The following SPOCK2 variants were observed in gnomAD, a reference collection of about 807,000 sequenced individuals.
SPOCK2 encodes testican-2.
In SPOCK2, 39 loss-of-function variants were observed where a neutral mutation model predicts 60.1. That is an observed-to-expected ratio of 0.65 (90% CI 0.50 to 0.85). The LOEUF is 0.85. Ranked by LOEUF, SPOCK2 falls within the 40% of genes least tolerant of loss-of-function variation. The pLI, the probability that SPOCK2 is intolerant of heterozygous loss-of-function variation, is 0.00. For synonymous variants in SPOCK2, 217 were observed against 231.5 expected (o/e 0.94, Z 0.57); for missense variants, 523 against 567.4 (o/e 0.92, Z 0.80).
chr10:72,061,498 G>A lies in SPOCK2; in HGVS notation c.*1262C>T, dbSNP rs924246918. On this transcript the variant is annotated 3_prime_UTR_variant, in exon 11 of 11. Transcript: ENST00000373109. ...AGGAGGAAGATCATGGTCTCAGAGT[G>A]CGGAAAGGCTGCAGCTTTCGGCAGC... 11 of 153,140 alleles carry A rather than the reference G, an allele frequency of 7.2e-5. No homozygotes were observed. The highest frequency in any genetic ancestry group is 2.6e-4 in the Admixed American group (4 of 15,312). The allele number at this position is 153,140 out of a possible 1,614,324, so 9.5% of individuals were successfully genotyped here.
intron 1 of SPOCK2, among the ~76,000 whole-genome samples, chr10:72,080,656 G>C (rs908729407): frequency 2.4e-4 from 36 of 152,156 alleles, no homozygotes; most frequent in African/African-American, 8.2e-4. Flanking sequence ...TTAAATACTT[G>C]AGCCTCTCTT....
At position 72,066,948 on chromosome 10, in the gene SPOCK2, A is replaced by G; in HGVS notation, c.882T>C (p.Asp294=). ...PFFNSCDTYK[D]GRVSTAEWCF... is the part of the protein sequence containing the mutation. The stretch of plus-strand genomic sequence containing the variant: ...ACCACTCAGCAGTAGAGACCCGGCC[A>G]TCCTTGTAGGTGTCACAGGAGTTGA... The change falls in exon 8 of 11, where the codon GAT becomes GAC. Residue 294 remains aspartate (D), a synonymous_variant. Transcript: ENST00000373109. The G allele has an allele frequency of 3.1e-6, 5 of 1,614,226 alleles. No homozygotes were observed. The highest frequency in any genetic ancestry group is 4.2e-6 in the Non-Finnish European group (5 of 1,180,032).
chr10:72,068,309 T>A lies in SPOCK2; in HGVS notation c.475-8A>T. Reference sequence around the variant, plus strand: ...CTGTTGCTCCAGCTTACACTGCACATGGGGAAAGGTGGAACAGGGGACTGA... The same window carrying A: ...CTGTTGCTCCAGCTTACACTGCACAAGGGGAAAGGTGGAACAGGGGACTGA... On this transcript the variant is annotated splice_region_variant and splice_polypyrimidine_tract_variant and intron_variant, in intron 5 of 10. Transcript: ENST00000373109. 6.2e-7 allele frequency: 1 copy of A among 1,601,458 alleles called. No homozygotes were observed. Among genetic ancestry groups the A allele is most frequent in the Non-Finnish European group, 8.5e-7 (1 of 1,173,118 alleles).
At position 72,062,629 on chromosome 10, in the gene SPOCK2, C is replaced by T. The variant is rs1713346915; in HGVS notation, c.*131G>A. The T allele has an allele frequency of 1.3e-6, 2 of 1,491,046 alleles. No homozygotes were observed. Among genetic ancestry groups the T allele is most frequent in the African/African-American group, 2.8e-5 (2 of 71,354 alleles). The allele number at this position is 1,491,046 out of a possible 1,614,324, so 92.4% of individuals were successfully genotyped here. A position where few individuals can be genotyped will look rare whatever the true frequency, so the allele number is the denominator to read the frequency against. On this transcript the variant is annotated 3_prime_UTR_variant, in exon 11 of 11. Coordinates refer to ENST00000373109, the MANE Select transcript of SPOCK2 (RefSeq NM_001244950.2). The surrounding 1 kb of genome is among the most constrained non-coding windows in gnomAD (Gnocchi z 4.3). ...CTGTGCCACACACATGCCATGCACA[C>T]TCACACTCCCAGTCCCCCCAGGTGG... is the stretch of plus-strand genomic sequence containing the variant.
In SPOCK2 at chr10:72,088,291, A is replaced by C; in HGVS notation, c.38T>G (p.Leu13Arg). Residue 13 changes from leucine (L) to arginine (R), a missense_variant, in exon 1 of 11, where the codon CTG (leucine) becomes CGG (arginine). Coordinates refer to ENST00000373109, the MANE Select transcript of SPOCK2 (RefSeq NM_001244950.2). ...APGCGRLVLP[L>R]LLLAAAALAE... Reference sequence around the variant, plus strand: ...CAGGGCTGCCGCGGCCAGGAGCAGCAGCGGCAGCACCAGCCGCCCGCAGCC... The same window carrying C: ...CAGGGCTGCCGCGGCCAGGAGCAGCCGCGGCAGCACCAGCCGCCCGCAGCC... 6.2e-7 allele frequency: 1 copy of C among 1,600,664 alleles called. No individual in the cohort carries two copies. The highest frequency in any genetic ancestry group is 8.5e-7 in the Non-Finnish European group (1 of 1,174,712).
chr10:72,072,190 C>T lies in SPOCK2; in HGVS notation c.313G>A (p.Gly105Ser), dbSNP rs759303326. The change falls in exon 4 of 11, where the codon GGC (glycine) becomes AGC (serine). Residue 105 changes from glycine (G) to serine (S), a missense_variant. By Grantham distance (56) the Gly-to-Ser change is moderately conservative. Transcript: ENST00000373109. ...CTGATGCACATGGCCCGCTGGTAGCCCTGGGCAATGCACACCTTGTGGCGG... is the reference window on the plus strand; with the variant it reads ...CTGATGCACATGGCCCGCTGGTAGCTCTGGGCAATGCACACCTTGTGGCGG... ...CSRHKVCIAQ[G>S]YQRAMCISRK... The T allele has an allele frequency of 1.3e-6, 2 of 1,558,388 alleles. No individual in the cohort carries two copies. Among genetic ancestry groups the T allele is most frequent in the South Asian group, 1.2e-5 (1 of 83,542 alleles).
Position 72,061,508 on chromosome 10 carries a change from T to A in SPOCK2, c.*1252A>T, listed in dbSNP as rs564515181. On this transcript the variant is annotated 3_prime_UTR_variant, in exon 11 of 11. Transcript: ENST00000373109. ...TCATGGTCTCAGAGTGCGGAAAGGC[T>A]GCAGCTTTCGGCAGCTGCTTCTCTC... The A allele has an allele frequency of 1.3e-5, 2 of 152,986 alleles. No homozygotes were observed. The highest frequency in any genetic ancestry group is 3.9e-4 in the East Asian group (2 of 5,190). The allele number at this position is 152,986 out of a possible 1,614,324, so 9.5% of individuals were successfully genotyped here. A position where few individuals can be genotyped will look rare whatever the true frequency, so the allele number is the denominator to read the frequency against.
At position 72,087,990 on chromosome 10, in the gene SPOCK2, A is replaced by AC. The variant is rs1840885978; in HGVS notation, c.189+149dup. ...GACAGGGGAGGGGCGCTGGGCTGTG[A>AC]CCCCCAGTACTGTTTACTTTCCGTG... On this transcript the variant is annotated intron_variant, in intron 1 of 10. Transcript: ENST00000373109. This position sits in a 1 kb window ranked among gnomAD's most constrained non-coding sequence, Gnocchi z 4.7. 1.0e-6 allele frequency: 1 copy of AC among 967,790 alleles called. No individual in the cohort carries two copies. Among genetic ancestry groups the AC allele is most frequent in the Non-Finnish European group, 1.5e-6 (1 of 677,926 alleles). The allele number at this position is 967,790 out of a possible 1,614,324, so 60.0% of individuals were successfully genotyped here. A position where few individuals can be genotyped will look rare whatever the true frequency, so the allele number is the denominator to read the frequency against.
chr10:72,079,210 G>A (rs1459130343), intron 1 of SPOCK2, among the ~76,000 whole-genome samples: 1 of 152,138 alleles, frequency 6.6e-6, no homozygotes, highest in African/African-American at 2.4e-5. Context: ...TCCAGAATCC[G>A]TGCCCCTAAC....
chr10:72,077,039 C>T (rs571716169), intron 1 of SPOCK2, among the ~76,000 whole-genome samples: 2 of 152,308 alleles, frequency 1.3e-5, no homozygotes, highest in South Asian at 4.1e-4. Flanking sequence ...GCCTGGCCCA[C>T]GGTGTGTCCT....
rs374514718 is a variant in SPOCK2, at chr10:72,067,703, G to A, written c.619C>T (p.Leu207=). Residue 207 remains leucine (L), a synonymous_variant, in exon 7 of 11, where the codon CTG becomes TTG. Transcript: ENST00000373109. ...AACCAGTCCCGCAGCCGATCTCCCA[G>A]GTCAGCCAGGTCCTGACCGGTGCAA... ...ETCTGQDLAD[L]GDRLRDWFQL... is the part of the protein sequence containing the mutation. The A allele has an allele frequency of 4.3e-6, 7 of 1,613,638 alleles. No individual in the cohort carries two copies. The highest frequency in any genetic ancestry group is 5.9e-6 in the Non-Finnish European group (7 of 1,179,962).
chr10:72,075,671 A>C (rs1046811055), intron 1 of SPOCK2, among the ~76,000 whole-genome samples: 1 of 151,988 alleles, frequency 6.6e-6, no homozygotes, highest in Non-Finnish European at 1.5e-5. Context: ...TCCCTTCCTG[A>C]CTCAGCTGGC....
intron 1 of SPOCK2, among the ~76,000 whole-genome samples, chr10:72,078,630 A>C (rs1267054486): frequency 1.3e-5 from 2 of 152,186 alleles, no homozygotes; most frequent in African/African-American, 2.4e-5. Flanking sequence ...AAGAAATTCC[A>C]TCTTCTCTTG....
In SPOCK2 at chr10:72,072,272, G is replaced by C. The variant is rs942311291; in HGVS notation, c.245-14C>G. 3 of 1,510,218 alleles carry C rather than the reference G, an allele frequency of 2.0e-6. No homozygotes were observed. Among genetic ancestry groups the C allele is most frequent in the African/African-American group, 1.4e-5 (1 of 71,536 alleles). 93.6% of individuals were successfully genotyped at this position (1,510,218 alleles called of 1,614,324 possible). ...TGGTATCCAGGGCTGCAGGGGCACAGAGTCAGGACACAGGTCACCTGGGAG... is the reference window on the plus strand; with the variant it reads ...TGGTATCCAGGGCTGCAGGGGCACACAGTCAGGACACAGGTCACCTGGGAG... On this transcript the variant is annotated splice_polypyrimidine_tract_variant and intron_variant, in intron 3 of 10. Coordinates refer to ENST00000373109, the MANE Select transcript of SPOCK2 (RefSeq NM_001244950.2).
At chr10:72,079,546 C>A (rs1200855618) in intron 1 of SPOCK2, among the ~76,000 whole-genome samples, 3 of 152,186 alleles carry the variant, frequency 2.0e-5, no homozygotes, top group African/African-American at 7.2e-5. Flanking sequence ...CTGGGGGAGA[C>A]AGCAGTGAGT....
At position 72,078,754 on chromosome 10, in the gene SPOCK2, T is replaced by A. The variant is rs373882647; in HGVS notation, c.190-5844A>T. 5.3e-5 allele frequency among the ~76,000 whole-genome samples: 8 copies of A among 151,998 alleles called. No individual in the cohort carries two copies. The East Asian group carries it at 1.2e-3, about 22-fold the overall frequency. On this transcript the variant is annotated intron_variant, in intron 1 of 10. Coordinates refer to ENST00000373109, the MANE Select transcript of SPOCK2 (RefSeq NM_001244950.2). ...AAGTTCACATCAGCCCCAGAATTTC[T>A]ACTCATCTCCCAAAACCCAGCTCAG...
Position 72,060,773 on chromosome 10 carries a change from G to T in SPOCK2, c.*1987C>A, listed in dbSNP as rs1357797763. The T allele has an allele frequency of 6.6e-6, 1 of 152,464 alleles. No homozygotes were observed. Among genetic ancestry groups the T allele is most frequent in the African/African-American group, 2.4e-5 (1 of 41,428 alleles). 9.4% of individuals were successfully genotyped at this position (152,464 alleles called of 1,614,324 possible). A position where few individuals can be genotyped will look rare whatever the true frequency, so the allele number is the denominator to read the frequency against. ...ACAATCAGAACTGGGCTGCGGAATG[G>T]GAAGCAGTTTATGGAGTTAAGTGGG... On this transcript the variant is annotated 3_prime_UTR_variant, in exon 11 of 11. Transcript: ENST00000373109.
At chr10:72,068,110 TACC>T in intron 6 of SPOCK2, 74 bp downstream of exon 6, 2 of 1,493,356 alleles carry the variant, frequency 1.3e-6, no homozygotes, top group South Asian at 2.4e-5. Context: ...ACACCTCTTC[TACC>T]ACCCTAGAGC....
intron 2 of SPOCK2, 122 bp from the exon 3 acceptor site, chr10:72,072,670 G>A (rs757809800): frequency 2.0e-6 from 3 of 1,469,974 alleles, no homozygotes; most frequent in Non-Finnish European, 2.8e-6. Flanking sequence ...CGTCATCCTG[G>A]TGGCTGACCC....
Sources: allele counts gnomAD v4.1 joint callset (sites outside exome capture counted in the v4.1 genomes callset), GRCh38; gene constraint gnomAD v4.1.1; non-coding constraint Gnocchi (gnomAD v3.1); transcripts MANE v1.5; gene names NCBI Gene and HGNC (gene_info 2026-07-23, HGNC 2026-07-21).